Variants in DAB1 observed in about 807,000 individuals in gnomAD.
The protein encoded by DAB1 is disabled homolog 1.
A neutral mutation model predicts 64.6 loss-of-function variants in DAB1; 15 were observed. The ratio of observed to expected loss-of-function variants is 0.23; its 90% confidence interval spans 0.16 to 0.36. The LOEUF (loss-of-function observed/expected upper bound fraction) is 0.36. Among genes scored for constraint, DAB1 ranks in the 10% least tolerant of loss-of-function variants. The pLI, the probability that DAB1 is intolerant of heterozygous loss-of-function variation, is 1.00. For synonymous variants in DAB1, 235 were observed against 251.9 expected (o/e 0.93, Z 0.64); for missense variants, 596 against 706.7 (o/e 0.84, Z 1.78).
rs1661360911 is a variant in DAB1, at chr1:58,273,648, A to G, written n.309+69704T>C. 4.5e-5 allele frequency among the ~76,000 whole-genome samples: 2 copies of G among 44,676 alleles called. 1 individual carries two copies. Among genetic ancestry groups the G allele is most frequent in the Non-Finnish European group, 9.4e-5 (2 of 21,332 alleles). 29.3% of individuals were successfully genotyped at this position (44,676 alleles called of 152,430 possible). A position where few individuals can be genotyped will look rare whatever the true frequency, so the allele number is the denominator to read the frequency against. ...TCTCCCCATCGCTTTCAGGTACACC[A>G]ATCAGACGTAGATTTGGTCTTTTCA... On this transcript the variant is annotated intron_variant and non_coding_transcript_variant, in intron 4 of 20. Transcript: ENST00000485760.
intron 2 of DAB1, among the ~76,000 whole-genome samples, chr1:57,244,222 G>C (rs750931018): frequency 1.3e-5 from 2 of 152,010 alleles, no homozygotes; most frequent in African/African-American, 4.8e-5. Context: ...TACCATGTTC[G>C]ATTCTCCGAA....
intron 1 of DAB1, among the ~76,000 whole-genome samples, chr1:57,839,196 G>A (rs1386543145): frequency 1.3e-5 from 2 of 151,970 alleles, no homozygotes; most frequent in Non-Finnish European, 2.9e-5. Flanking sequence ...AAATGAATCG[G>A]TTAAAAAAAT....
intron 5 of DAB1, among the ~76,000 whole-genome samples, chr1:57,927,918 G>A (rs1644902765): frequency 6.6e-6 from 1 of 152,032 alleles, no homozygotes; most frequent in Non-Finnish European, 1.5e-5. Context: ...TATCATATGT[G>A]TACTCATCTA....
chr1:57,155,577 G>A (rs1660136624), intron 2 of DAB1, among the ~76,000 whole-genome samples: 1 of 151,718 alleles, frequency 6.6e-6, no homozygotes, highest in Non-Finnish European at 1.5e-5. Context: ...TTTCTATGAG[G>A]AACGTTATTG....
In DAB1 at chr1:58,156,606, G is replaced by T. The variant is rs186486552; in HGVS notation, n.310-6018C>A. On this transcript the variant is annotated intron_variant and non_coding_transcript_variant, in intron 4 of 20. Coordinates refer to the DAB1 transcript ENST00000485760. ...CTGGGTGCATGGTATCATACAGACA[G>T]GGCAGGGTACCTAGTCCTGAGAGGT... Among the ~76,000 whole-genome samples, 314 of 152,288 alleles carry T rather than the reference G, an allele frequency of 2.1e-3. 4 individuals carry two copies. The highest frequency in any genetic ancestry group is 7.4e-3 in the African/African-American group (306 of 41,562).
intron 5 of DAB1, among the ~76,000 whole-genome samples, chr1:57,953,955 A>T (rs902005707): frequency 7.3e-5 from 11 of 151,638 alleles, no homozygotes; most frequent in African/African-American, 2.7e-4. Context: ...TTCACCACCA[A>T]CTCCCTTTTT....
intron 5 of DAB1, among the ~76,000 whole-genome samples, chr1:57,969,736 A>C (rs1645751921): frequency 1.3e-5 from 2 of 152,162 alleles, no homozygotes; most frequent in Non-Finnish European, 2.9e-5. Flanking sequence ...CAAATCAACA[A>C]TCATCATATA....
intron 4 of DAB1, among the ~76,000 whole-genome samples, chr1:57,109,837 T>A (rs1655499641): frequency 1.3e-5 from 2 of 152,192 alleles, no homozygotes; most frequent in East Asian, 3.9e-4. Flanking sequence ...ATTAAATGAT[T>A]TCTAAACTCA....
rs568369185 is a variant in DAB1, at chr1:57,971,533, G to C, written n.388-87371C>G. The stretch of plus-strand genomic sequence containing the variant: ...TTGCCAGCTTGGCAACATCAGGCCA[G>C]TTGTTAAACTCTTTGAGTCTCAGTT... On this transcript the variant is annotated intron_variant and non_coding_transcript_variant, in intron 5 of 20. Coordinates refer to the DAB1 transcript ENST00000485760. Among the ~76,000 whole-genome samples, 263 of 152,346 alleles carry C rather than the reference G, an allele frequency of 1.7e-3. 1 individual carries two copies. Among genetic ancestry groups the C allele is most frequent in the African/African-American group, 6.1e-3 (253 of 41,596 alleles).
chr1:57,455,625 G>C (rs1031577856), intron 7 of DAB1, among the ~76,000 whole-genome samples: 1 of 152,038 alleles, frequency 6.6e-6, no homozygotes, highest in Non-Finnish European at 1.5e-5. Flanking sequence ...AAATGAAGAC[G>C]TAAATTACTG....
intron 5 of DAB1, among the ~76,000 whole-genome samples, chr1:58,111,318 C>A (rs1651953645): frequency 6.6e-6 from 1 of 152,188 alleles, no homozygotes; most frequent in South Asian, 2.1e-4. Flanking sequence ...TCCCATTGAA[C>A]CTTCTCCATG....
chr1:57,819,262 TA>T (rs1259004784), intron 6 of DAB1, among the ~76,000 whole-genome samples: 6 of 152,354 alleles, frequency 3.9e-5, no homozygotes, highest in South Asian at 2.1e-4. Flanking sequence ...TCGTGTTAAT[TA>T]TTTCTGAAAT....
intron 7 of DAB1, among the ~76,000 whole-genome samples, chr1:57,647,160 G>A (rs955902208): frequency 6.6e-6 from 1 of 152,180 alleles, no homozygotes; most frequent in Non-Finnish European, 1.5e-5. Context: ...AAGCCTGGAA[G>A]TCCTTCCTTG....
At chr1:57,438,787 G>A (rs753428483) in intron 7 of DAB1, among the ~76,000 whole-genome samples, 3 of 152,072 alleles carry the variant, frequency 2.0e-5, no homozygotes, top group Non-Finnish European at 4.4e-5. Flanking sequence ...GGAACTAACA[G>A]TACTATGAAC....
chr1:58,307,108 A>G (rs1241034987), intron 4 of DAB1, among the ~76,000 whole-genome samples: 1 of 152,200 alleles, frequency 6.6e-6, no homozygotes, highest in Admixed American at 6.5e-5. Flanking sequence ...TATTTTACAA[A>G]TCAAACAATA....
intron 9 of DAB1, among the ~76,000 whole-genome samples, chr1:57,054,398 G>A (rs573229608): frequency 6.0e-5 from 9 of 150,984 alleles, no homozygotes; most frequent in African/African-American, 1.7e-4. Flanking sequence ...TTAACAGGGT[G>A]CAAAAAGCAC....
intron 4 of DAB1, among the ~76,000 whole-genome samples, chr1:58,305,368 T>C (rs1163149446): frequency 6.6e-6 from 1 of 152,218 alleles, no homozygotes; most frequent in Non-Finnish European, 1.5e-5. Flanking sequence ...TCTTGCCTGT[T>C]TTATAGGAGT....
intron 4 of DAB1, among the ~76,000 whole-genome samples, chr1:58,190,986 TC>T (rs1657360101): frequency 6.6e-6 from 1 of 152,140 alleles, no homozygotes; most frequent in South Asian, 2.1e-4. Context: ...ACAGTCCCCA[TC>T]CCAGGTTATC....
chr1:57,738,839 T>C (rs149932056), intron 6 of DAB1, among the ~76,000 whole-genome samples: 5 of 152,312 alleles, frequency 3.3e-5, no homozygotes, highest in African/African-American at 1.2e-4. Context: ...AGCCATTAGG[T>C]TCAAGGAATT....
Sources: allele counts gnomAD v4.1 joint callset (sites outside exome capture counted in the v4.1 genomes callset), GRCh38; gene constraint gnomAD v4.1.1; transcripts MANE v1.5; gene names NCBI Gene and HGNC (gene_info 2026-07-23, HGNC 2026-07-21).